The following FAM171A1 variants were observed in gnomAD, a reference collection of about 807,000 sequenced individuals.
The protein encoded by FAM171A1 is family with sequence similarity 171 member A1.
A neutral mutation model predicts 74.9 loss-of-function variants in FAM171A1; 23 were observed. The observed-to-expected ratio is 0.31, with a 90% confidence interval of 0.22 to 0.44. FAM171A1 has a LOEUF of 0.44. FAM171A1 is among the 20% of genes least tolerant of loss of function. The pLI is 1.00. For synonymous variants in FAM171A1, 527 were observed against 505.7 expected, an observed-to-expected ratio of 1.04 and a Z score of -0.57; for missense variants, 1,162 against 1,159.2, an observed-to-expected ratio of 1.00 and a Z score of -0.03.
chr10:15,286,792 G>C (rs1439953824), intron 1 of FAM171A1, among the ~76,000 whole-genome samples: 1 of 152,092 alleles, frequency 6.6e-6, no homozygotes, highest in African/African-American at 2.4e-5. Flanking sequence ...CATTTCTTGA[G>C]TAGATAACCA....
At chr10:15,331,859 G>GTGTATATATATATATA (rs60559617) in intron 1 of FAM171A1, among the ~76,000 whole-genome samples, 4 of 44,954 alleles carry the variant, frequency 8.9e-5, no homozygotes, top group Non-Finnish European at 1.3e-4. Flanking sequence ...ATATATGTGT[G>GTGTATATATATATATA]TATATATATG....
At chr10:15,220,524 T>C (rs1223302044) in intron 6 of FAM171A1, among the ~76,000 whole-genome samples, 1 of 152,218 alleles carries the variant, frequency 6.6e-6, no homozygotes, top group Non-Finnish European at 1.5e-5. Context: ...TAAGCCATTT[T>C]GGAAATGCCC....
At chr10:15,248,958 AC>A in intron 4 of FAM171A1, 143 bp from the exon 5 acceptor site, 1 of 673,148 alleles carries the variant, frequency 1.5e-6, no homozygotes, top group Non-Finnish European at 2.3e-6. Context: ...CATAATCCTC[AC>A]CACAACCCAG....
intron 1 of FAM171A1, among the ~76,000 whole-genome samples, chr10:15,286,430 G>A (rs1588534193): frequency 6.6e-6 from 1 of 152,098 alleles, no homozygotes; most frequent in South Asian, 2.1e-4. Context: ...ACAGGTGCCC[G>A]CCACGATGCC....
At chr10:15,350,498 C>T (rs1029041739) in intron 1 of FAM171A1, among the ~76,000 whole-genome samples, 9 of 151,724 alleles carry the variant, frequency 5.9e-5, no homozygotes, top group Admixed American at 1.3e-4. Flanking sequence ...CGTGCCACCA[C>T]GCCCAGCTAA....
intron 3 of FAM171A1, 103 bp from the exon 4 acceptor site, chr10:15,254,982 C>A (rs999323188): frequency 3.2e-5 from 33 of 1,032,230 alleles, no homozygotes; most frequent in African/African-American, 4.8e-5. Flanking sequence ...ACGCCTCCCC[C>A]ACCCTGCTCC....
chr10:15,297,069 T>A (rs1835170933), intron 1 of FAM171A1, among the ~76,000 whole-genome samples: 1 of 151,984 alleles, frequency 6.6e-6, no homozygotes, highest in South Asian at 2.1e-4. Context: ...TTTTCTTTTT[T>A]TTTTTTGAGA....
upstream of FAM171A1, among the ~76,000 whole-genome samples, chr10:15,373,192 C>T (rs1443302394): frequency 2.0e-5 from 3 of 152,268 alleles, no homozygotes; most frequent in South Asian, 2.1e-4. Flanking sequence ...CTGCAATTTG[C>T]GCAAATCACG....
intron 1 of FAM171A1, among the ~76,000 whole-genome samples, chr10:15,364,836 G>C (rs1836039797): frequency 6.6e-6 from 1 of 152,098 alleles, no homozygotes. Context: ...TTCTCTCCCT[G>C]ACTTGGACCC....
intron 1 of FAM171A1, among the ~76,000 whole-genome samples, chr10:15,317,861 G>A (rs1835441356): frequency 6.6e-6 from 1 of 151,894 alleles, no homozygotes; most frequent in Non-Finnish European, 1.5e-5. Flanking sequence ...CACGATCATG[G>A]CTTACTGCAG....
chr10:15,271,605 G>A (rs1406680674), intron 3 of FAM171A1, among the ~76,000 whole-genome samples: 2 of 152,130 alleles, frequency 1.3e-5, no homozygotes, highest in African/African-American at 4.8e-5. Flanking sequence ...TTGAAATGAA[G>A]GAAAAAATGT....
intron 1 of FAM171A1, among the ~76,000 whole-genome samples, chr10:15,359,103 C>G (rs879488564): frequency 6.6e-6 from 1 of 152,198 alleles, no homozygotes; most frequent in Non-Finnish European, 1.5e-5. Flanking sequence ...ATGTAAGAAG[C>G]ACCGAGCACA....
chr10:15,372,713 A>T (rs1450594956), upstream of FAM171A1, among the ~76,000 whole-genome samples: 2 of 151,490 alleles, frequency 1.3e-5, no homozygotes, highest in Admixed American at 1.3e-4. Context: ...AAAAAAAAAA[A>T]AAAAAATCAA....
chr10:15,324,764 CA>C (rs1306198828), intron 1 of FAM171A1, among the ~76,000 whole-genome samples: 1 of 151,716 alleles, frequency 6.6e-6, no homozygotes, highest in Admixed American at 6.6e-5. Context: ...AAAAAAAGGA[CA>C]AAAAAACCAA....
At position 15,301,892 on chromosome 10, in the gene FAM171A1, C is replaced by T. The variant is rs374629535; in HGVS notation, c.98-17787G>A. ...CATAGTTCTTAGGTCACTAAAGAACCCAAGGAACTATATGCATTATGAAGA... is the reference window on the plus strand; with the variant it reads ...CATAGTTCTTAGGTCACTAAAGAACTCAAGGAACTATATGCATTATGAAGA... On this transcript the variant is annotated intron_variant, in intron 1 of 7. Transcript: ENST00000378116. Among the ~76,000 whole-genome samples, 99 of 152,136 alleles carry T rather than the reference C, an allele frequency of 6.5e-4. 1 individual carries two copies. Among genetic ancestry groups the T allele is most frequent in the African/African-American group, 2.3e-3 (97 of 41,502 alleles).
At chr10:15,242,608 C>A (rs145910114) in intron 5 of FAM171A1, among the ~76,000 whole-genome samples, 2 of 152,272 alleles carry the variant, frequency 1.3e-5, no homozygotes, top group East Asian at 1.9e-4. Flanking sequence ...CATGGTGAGA[C>A]CTTGTGTCTA....
At chr10:15,317,487 C>T (rs112630194) in intron 1 of FAM171A1, among the ~76,000 whole-genome samples, 34,170 of 152,066 alleles carry the variant, frequency 0.22, 4,097 homozygotes, top group Non-Finnish European at 0.26. Context: ...CTCCACTTCC[C>T]AGGTTCAAGC....
At chr10:15,303,455 C>T (rs149112078) in intron 1 of FAM171A1, among the ~76,000 whole-genome samples, 41 of 152,160 alleles carry the variant, frequency 2.7e-4, no homozygotes, top group African/African-American at 8.9e-4. Flanking sequence ...GTTCTTAGTT[C>T]GTGTCAAATG....
intron 1 of FAM171A1, among the ~76,000 whole-genome samples, chr10:15,332,277 T>C (rs987227433): frequency 2.0e-5 from 3 of 152,042 alleles, no homozygotes; most frequent in Non-Finnish European, 4.4e-5. Flanking sequence ...TTTAAAGCAC[T>C]TGTATTTTAT....
Sources: gnomAD v4.1 joint callset for allele counts (sites outside exome capture counted in the v4.1 genomes callset) on GRCh38, gnomAD v4.1.1 for gene constraint, MANE v1.5 for transcripts, NCBI Gene and HGNC (gene_info 2026-07-23, HGNC 2026-07-21) for gene names.